The following MDFIC variants were observed in gnomAD, a reference collection of about 807,000 sequenced individuals.
MDFIC encodes myoD family inhibitor domain-containing protein.
MDFIC carries 17 observed loss-of-function variants against 23.2 expected under a neutral mutation model. That is an observed-to-expected ratio of 0.73 (90% CI 0.50 to 1.10). The LOEUF is 1.10. MDFIC is among the 50% of genes least tolerant of loss of function. MDFIC has a pLI of 0.00. For missense variants in MDFIC, 356 were observed against 316.6 expected (o/e 1.12, Z -0.95); for synonymous variants, 120 against 115.2 (o/e 1.04, Z -0.27).
intron 3 of MDFIC, among the ~76,000 whole-genome samples, chr7:114,963,865 C>A (rs1023223234): frequency 2.0e-5 from 3 of 152,178 alleles, no homozygotes; most frequent in Non-Finnish European, 4.4e-5. Flanking sequence ...CAGGTGTGAG[C>A]CACTGTGCTG....
intron 4 of MDFIC, among the ~76,000 whole-genome samples, chr7:114,999,952 A>G (rs1420245630): frequency 1.3e-5 from 2 of 152,212 alleles, no homozygotes; most frequent in Non-Finnish European, 2.9e-5. Context: ...CAGAAATCAT[A>G]AAGTATTATA....
At chr7:114,992,077 G>A (rs778500351) in intron 4 of MDFIC, among the ~76,000 whole-genome samples, 432 of 152,284 alleles carry the variant, frequency 2.8e-3, no homozygotes, top group South Asian at 7.7e-3. Context: ...TCCCTTGTAA[G>A]TTGGATTCCT....
intron 3 of MDFIC, among the ~76,000 whole-genome samples, chr7:114,968,948 G>T (rs775697532): frequency 6.6e-6 from 1 of 152,106 alleles, no homozygotes; most frequent in Non-Finnish European, 1.5e-5. Context: ...AACTTCATTT[G>T]CATTCCCACT....
chr7:114,971,845 T>C (rs945518847), intron 3 of MDFIC, among the ~76,000 whole-genome samples: 6 of 152,202 alleles, frequency 3.9e-5, no homozygotes, highest in Non-Finnish European at 7.3e-5. Flanking sequence ...TTTACTTTTC[T>C]ATCACATCAT....
At chr7:114,996,862 A>G (rs1164881320) in intron 4 of MDFIC, among the ~76,000 whole-genome samples, 1 of 152,230 alleles carries the variant, frequency 6.6e-6, no homozygotes, top group Non-Finnish European at 1.5e-5. Context: ...AAGTACTCCA[A>G]AAACTAAGCC....
Position 115,015,990 on chromosome 7 carries a change from G to C in MDFIC, c.*55G>C, listed in dbSNP as rs1019449907. 26 of 1,539,688 alleles carry C rather than the reference G, an allele frequency of 1.7e-5. No individual in the cohort carries two copies. In the East Asian group the frequency reaches 5.2e-4, roughly 31 times the overall value. On this transcript the variant is annotated 3_prime_UTR_variant, in exon 5 of 5. Transcript: ENST00000393486. ...GAGAGTGTTTAAAAATTTCCTTTTG[G>C]GGGGAAGAAAAGCACATTGTAAGAT... is the stretch of plus-strand genomic sequence containing the variant.
intron 4 of MDFIC, among the ~76,000 whole-genome samples, chr7:114,990,174 A>T (rs1793580545): frequency 6.6e-6 from 1 of 152,198 alleles, no homozygotes; most frequent in African/African-American, 2.4e-5. Context: ...CAAAGGCTTG[A>T]AAAGGTTAAA....
intron 3 of MDFIC, among the ~76,000 whole-genome samples, chr7:114,973,468 T>C (rs915619891): frequency 6.6e-6 from 1 of 152,144 alleles, no homozygotes; most frequent in African/African-American, 2.4e-5. Flanking sequence ...ATTCCTGCTC[T>C]CATTCCTTTA....
At chr7:114,991,106 T>C (rs1315581775) in intron 4 of MDFIC, among the ~76,000 whole-genome samples, 4 of 152,176 alleles carry the variant, frequency 2.6e-5, no homozygotes, top group Non-Finnish European at 4.4e-5. Context: ...CCAGTGATGA[T>C]GAGCATTTTT....
intron 4 of MDFIC, among the ~76,000 whole-genome samples, chr7:114,992,977 G>C (rs76374500): frequency 3.3e-5 from 5 of 152,104 alleles, no homozygotes; most frequent in Admixed American, 3.3e-4. Flanking sequence ...AATCCGTCTG[G>C]TCCTGGACTT....
intron 4 of MDFIC, among the ~76,000 whole-genome samples, chr7:114,989,343 CCACAG>C (rs1793565403): frequency 2.6e-5 from 4 of 152,032 alleles, no homozygotes; most frequent in Admixed American, 2.6e-4. Flanking sequence ...CATGGAGAAG[CCACAG>C]TGATGTGGGT....
intron 3 of MDFIC, among the ~76,000 whole-genome samples, chr7:114,954,638 A>G (rs1792850986): frequency 6.6e-6 from 1 of 152,166 alleles, no homozygotes; most frequent in Non-Finnish European, 1.5e-5. Flanking sequence ...AAGGATTCAG[A>G]TTATATTCTA....
chr7:114,924,006 A>AT (rs1005291016), intron 2 of MDFIC, among the ~76,000 whole-genome samples: 10 of 152,218 alleles, frequency 6.6e-5, no homozygotes, highest in East Asian at 3.9e-4. Flanking sequence ...AATCTTAGGG[A>AT]TTTTTTTTAA....
chr7:114,922,474 C>T lies in MDFIC; in HGVS notation c.-270C>T. 1 of 1,251,140 alleles carries T rather than the reference C, an allele frequency of 8.0e-7. No individual in the cohort carries two copies. Among genetic ancestry groups the T allele is most frequent in the Non-Finnish European group, 1.0e-6 (1 of 991,750 alleles). 77.5% of individuals were successfully genotyped at this position (1,251,140 alleles called of 1,614,324 possible). On this transcript the variant is annotated 5_prime_UTR_variant, in exon 1 of 5. Transcript: ENST00000393486. ...AGTTGCCGCCACTGCGGCGTCTGGG[C>T]TGAGCCGGAGGGAGGCGGGAGGACG... is the stretch of plus-strand genomic sequence containing the variant.
At chr7:114,923,319 G>A in intron 2 of MDFIC, 192 bp downstream of exon 2, 1 of 1,150,510 alleles carries the variant, frequency 8.7e-7, no homozygotes. Flanking sequence ...AACCGGGTAA[G>A]AGGGCGGGAA....
chr7:114,985,550 A>G (rs1793496084), intron 4 of MDFIC, among the ~76,000 whole-genome samples: 2 of 151,716 alleles, frequency 1.3e-5, no homozygotes, highest in African/African-American at 2.4e-5. Context: ...AACATGTGTC[A>G]TGGGGGTTTG....
At chr7:114,997,661 T>A (rs1302792661) in intron 4 of MDFIC, among the ~76,000 whole-genome samples, 2 of 150,436 alleles carry the variant, frequency 1.3e-5, no homozygotes, top group Non-Finnish European at 2.9e-5. Context: ...GACAGGAGCA[T>A]CACTTGAATC....
chr7:114,996,584 C>A (rs865962246), intron 4 of MDFIC, among the ~76,000 whole-genome samples: 1 of 152,106 alleles, frequency 6.6e-6, no homozygotes, highest in Admixed American at 6.5e-5. Flanking sequence ...GAAAGGTCTG[C>A]AGCTTGAGAT....
At chr7:114,995,616 A>T (rs1033494635) in intron 4 of MDFIC, among the ~76,000 whole-genome samples, 2 of 152,150 alleles carry the variant, frequency 1.3e-5, no homozygotes, top group African/African-American at 4.8e-5. Flanking sequence ...TCCACTCCAG[A>T]CCCTGTTTGC....
Sources: allele counts gnomAD v4.1 joint callset (sites outside exome capture counted in the v4.1 genomes callset), GRCh38; gene constraint gnomAD v4.1.1; transcripts MANE v1.5; gene names NCBI Gene and HGNC (gene_info 2026-07-23, HGNC 2026-07-21).